Variants in PARD3B observed in about 807,000 individuals in gnomAD.
The protein encoded by PARD3B is par-3 family cell polarity regulator beta.
A neutral mutation model predicts 130.2 loss-of-function variants in PARD3B; 103 were observed. The ratio of observed to expected loss-of-function variants is 0.79; its 90% CI spans 0.67 to 0.93. The LOEUF (loss-of-function observed/expected upper bound fraction) is 0.93. Among genes scored for constraint, PARD3B ranks in the 40% least tolerant of loss-of-function variants. The probability of loss-of-function intolerance (pLI) is 0.00; values close to 1 mark genes in which losing one functional copy is unlikely to be tolerated. For synonymous variants in PARD3B, 583 were observed against 553.2 expected (o/e 1.05, Z -0.76); for missense variants, 1,609 against 1,499.2 (o/e 1.07, Z -1.21).
intron 10 of PARD3B, among the ~76,000 whole-genome samples, chr2:205,157,507 GAAAATGCC>G (rs2034251269): frequency 6.6e-6 from 1 of 152,184 alleles, no homozygotes; most frequent in Non-Finnish European, 1.5e-5. Flanking sequence ...GGGAGGGGTT[GAAAATGCC>G]GCGTCAATGG....
chr2:205,490,428 A>G (rs565917805), intron 20 of PARD3B, among the ~76,000 whole-genome samples: 17 of 152,232 alleles, frequency 1.1e-4, no homozygotes, highest in African/African-American at 4.1e-4. Context: ...CCATGTCCCT[A>G]CAAAGGACAT....
At chr2:205,238,877 T>C (rs2039206907) in intron 15 of PARD3B, among the ~76,000 whole-genome samples, 2 of 81,800 alleles carry the variant, frequency 2.4e-5, no homozygotes, top group African/African-American at 1.1e-4. Context: ...TATATATATA[T>C]GTATGTGTGT....
chr2:204,583,855 T>C (rs545065672), intron 1 of PARD3B, among the ~76,000 whole-genome samples: 5 of 152,386 alleles, frequency 3.3e-5, no homozygotes, highest in South Asian at 2.1e-4. Flanking sequence ...TGCAAACTTA[T>C]CACATCATTT....
chr2:205,036,714 A>G (rs1697940139), intron 3 of PARD3B, among the ~76,000 whole-genome samples: 1 of 146,028 alleles, frequency 6.8e-6, no homozygotes, highest in Non-Finnish European at 1.5e-5. Flanking sequence ...CAAAAAATAT[A>G]TATACACAGC....
intron 3 of PARD3B, among the ~76,000 whole-genome samples, chr2:205,013,359 G>GT (rs142430339): frequency 0.012 from 1,820 of 151,952 alleles, 21 homozygotes; most frequent in Non-Finnish European, 0.02. Context: ...GTTTAAAATT[G>GT]TTTTTTTTCC....
rs1173703642 is a variant in PARD3B at position 204,890,500 on chromosome 2, G to T, written c.223-74652G>T. 2.0e-5 allele frequency among the ~76,000 whole-genome samples: 3 copies of T among 152,060 alleles called. No homozygotes were observed. Among genetic ancestry groups the T allele is most frequent in the Non-Finnish European group, 2.9e-5 (2 of 68,008 alleles). On this transcript the variant is annotated intron_variant, in intron 2 of 22. Transcript: ENST00000406610. The surrounding 1 kb of genome is among the most constrained non-coding windows in gnomAD (Gnocchi z 4.9). Reference sequence around the variant, plus strand: ...ACATTGAATATATATTAAATTTATTGGGTAATTATTTAAAGGAACAGTATG... The same window carrying T: ...ACATTGAATATATATTAAATTTATTTGGTAATTATTTAAAGGAACAGTATG...
chr2:205,171,167 A>G (rs2035154418), intron 11 of PARD3B, among the ~76,000 whole-genome samples: 1 of 152,158 alleles, frequency 6.6e-6, no homozygotes, highest in Non-Finnish European at 1.5e-5. Flanking sequence ...CTTTATTAGC[A>G]GCAGCAGCAG....
At position 205,261,661 on chromosome 2, in the gene PARD3B, C is replaced by T. The variant is rs562783942; in HGVS notation, c.2185+15839C>T. 2.6e-5 allele frequency among the ~76,000 whole-genome samples: 4 copies of T among 152,146 alleles called. 1 individual carries two copies. Among genetic ancestry groups the T allele is most frequent in the African/African-American group, 7.2e-5 (3 of 41,508 alleles). On this transcript the variant is annotated intron_variant, in intron 16 of 22. Coordinates refer to ENST00000406610, the MANE Select transcript of PARD3B (RefSeq NM_001302769.2). Reference sequence around the variant, plus strand: ...AAGAAACCACATAATAAAAAGTTCTCGTTATATTTGTAGTTACAAGCTATG... The same window carrying T: ...AAGAAACCACATAATAAAAAGTTCTTGTTATATTTGTAGTTACAAGCTATG...
At chr2:204,882,652 C>G (rs1575205809) in intron 2 of PARD3B, among the ~76,000 whole-genome samples, 1 of 152,294 alleles carries the variant, frequency 6.6e-6, no homozygotes, top group East Asian at 1.9e-4. Context: ...AGGATCTTTT[C>G]AATGTCTTTA....
In PARD3B at chr2:205,615,928, T is replaced by A; in HGVS notation, c.*115T>A. 1 of 885,844 alleles carries A rather than the reference T, an allele frequency of 1.1e-6. No individual in the cohort carries two copies. The highest frequency in any genetic ancestry group is 1.8e-6 in the Non-Finnish European group (1 of 567,374). 54.9% of individuals were successfully genotyped at this position (885,844 alleles called of 1,614,324 possible). A position where few individuals can be genotyped will look rare whatever the true frequency, so the allele number is the denominator to read the frequency against. ...GGAATTCTCCATGTTACTGATAAGCTTTTTCTCACTGACATTGTAACGCAT... is the reference window on the plus strand; with the variant it reads ...GGAATTCTCCATGTTACTGATAAGCATTTTCTCACTGACATTGTAACGCAT... On this transcript the variant is annotated 3_prime_UTR_variant, in exon 23 of 23. Coordinates refer to ENST00000406610, the MANE Select transcript of PARD3B (RefSeq NM_001302769.2).
chr2:205,407,925 C>T lies in PARD3B; in HGVS notation c.2741+6802C>T, dbSNP rs930154624. 2.6e-5 allele frequency among the ~76,000 whole-genome samples: 4 copies of T among 152,014 alleles called. No homozygotes were observed. Among genetic ancestry groups the T allele is most frequent in the Admixed American group, 6.6e-5 (1 of 15,254 alleles). Reference sequence around the variant, plus strand: ...TGTTGTATTAATTAAACATTGCTTTCGTAGATCTTACTAGAATCTTAGCAG... The same window carrying T: ...TGTTGTATTAATTAAACATTGCTTTTGTAGATCTTACTAGAATCTTAGCAG... On this transcript the variant is annotated intron_variant, in intron 19 of 22. Transcript: ENST00000406610. The surrounding 1 kb of genome is among the most constrained non-coding windows in gnomAD (Gnocchi z 4.1).
chr2:205,327,640 G>A (rs1019664098), intron 18 of PARD3B, among the ~76,000 whole-genome samples: 2 of 151,970 alleles, frequency 1.3e-5, no homozygotes, highest in African/African-American at 4.8e-5. Flanking sequence ...TTTACTCTTT[G>A]GCTCTTAGCT....
At chr2:204,807,504 A>C (rs1411942993) in intron 2 of PARD3B, among the ~76,000 whole-genome samples, 2 of 152,170 alleles carry the variant, frequency 1.3e-5, no homozygotes, top group Admixed American at 1.3e-4. Flanking sequence ...TATTTATCCA[A>C]AGAAAATGAA....
chr2:205,609,290 C>T (rs1160192150), intron 22 of PARD3B, among the ~76,000 whole-genome samples: 1 of 152,134 alleles, frequency 6.6e-6, no homozygotes, highest in Non-Finnish European at 1.5e-5. Context: ...TTAGTTTGTG[C>T]TGATTTTTTT....
intron 16 of PARD3B, among the ~76,000 whole-genome samples, chr2:205,251,359 G>T (rs954874078): frequency 6.6e-6 from 1 of 152,134 alleles, no homozygotes; most frequent in African/African-American, 2.4e-5. Flanking sequence ...AGGCACACGT[G>T]CAGGTGTTGT....
intron 22 of PARD3B, among the ~76,000 whole-genome samples, chr2:205,565,946 A>C (rs2053315043): frequency 6.6e-6 from 1 of 152,046 alleles, no homozygotes; most frequent in South Asian, 2.1e-4. Flanking sequence ...ATGTGATCCA[A>C]GAAAATAGAA....
At chr2:205,224,618 C>T (rs2038444251) in intron 15 of PARD3B, among the ~76,000 whole-genome samples, 1 of 148,394 alleles carries the variant, frequency 6.7e-6, no homozygotes, top group Non-Finnish European at 1.5e-5. Flanking sequence ...TCTCTATCTC[C>T]ATGACTTCAG....
At chr2:205,567,534 G>C (rs1476069546) in intron 22 of PARD3B, among the ~76,000 whole-genome samples, 2 of 140,572 alleles carry the variant, frequency 1.4e-5, no homozygotes, top group Non-Finnish European at 3.0e-5. Flanking sequence ...ATGTTAGCCA[G>C]GATGGTCTCG....
intron 2 of PARD3B, among the ~76,000 whole-genome samples, chr2:204,833,185 T>C (rs756657956): frequency 6.6e-6 from 1 of 152,212 alleles, no homozygotes; most frequent in Non-Finnish European, 1.5e-5. Flanking sequence ...CACCACACTA[T>C]AGATAAATCT....
Sources: gnomAD v4.1 joint callset for allele counts (sites outside exome capture counted in the v4.1 genomes callset) on GRCh38, gnomAD v4.1.1 for gene constraint, Gnocchi (gnomAD v3.1) non-coding constraint, MANE v1.5 for transcripts, NCBI Gene and HGNC (gene_info 2026-07-23, HGNC 2026-07-21) for gene names.